Variants in ANKRD11 observed in about 807,000 individuals in gnomAD.
ANKRD11 encodes the protein ankyrin repeat domain 11.
In ANKRD11, 17 loss-of-function variants were observed where a neutral mutation model predicts 195.7. That is an observed-to-expected ratio of 0.09 (90% confidence interval 0.06 to 0.13). ANKRD11 has a LOEUF of 0.13. Among genes scored for constraint, ANKRD11 ranks in the 10% least tolerant of loss-of-function variants. The probability of loss-of-function intolerance (pLI) is 1.00; values close to 1 mark genes in which losing one functional copy is unlikely to be tolerated. For missense variants in ANKRD11, 3,735 were observed against 3,566.1 expected (o/e 1.05, Z -1.21); for synonymous variants, 1,953 against 1,528.1 (o/e 1.28, Z -6.49).
At chr16:89,376,001 CCAG>C (rs1431061619) in intron 2 of ANKRD11, among the ~76,000 whole-genome samples, 1 of 152,156 alleles carries the variant, frequency 6.6e-6, no homozygotes, top group Non-Finnish European at 1.5e-5. Context: ...ATCGATAAAT[CCAG>C]CAGAAGGGCC....
In ANKRD11 at chr16:89,302,177, C is replaced by A. The variant is rs963054903; in HGVS notation, c.226+3029G>T. ...CGGCTCCTCTGGGGGAAGGAGGGGA[C>A]GCGGCGTGTGTGAGAGCCACAGCGC... On this transcript the variant is annotated intron_variant, in intron 4 of 12. Transcript: ENST00000301030. Among the ~76,000 whole-genome samples the A allele has an allele frequency of 5.9e-5, 9 of 152,340 alleles. No individual in the cohort carries two copies. The South Asian group carries it at 8.3e-4, about 14-fold the overall frequency.
chr16:89,401,074 T>A (rs114262501), intron 2 of ANKRD11, among the ~76,000 whole-genome samples: 2,305 of 151,854 alleles, frequency 0.015, 67 homozygotes, highest in African/African-American at 0.053. Flanking sequence ...AGTAATGTTA[T>A]ATATTTCTCT....
In ANKRD11 at chr16:89,279,510, G is replaced by A. The variant is rs533765590; in HGVS notation, c.7032C>T (p.Leu2344=). ...QRMTRNRAQM[L]ANQSKQGPPP... is the part of the protein sequence containing the mutation. ...GCGGGCCCTGCTTGCTCTGGTTCGC[G>A]AGCATCTGCGCCCGGTTCCTGGTCA... Residue 2344 remains leucine (L), a synonymous_variant, in exon 9 of 13, where the codon CTC becomes CTT. Coordinates refer to ENST00000301030, the MANE Select transcript of ANKRD11 (RefSeq NM_013275.6). The surrounding 1 kb of genome is among the most constrained non-coding windows in gnomAD (Gnocchi z 5.6). 4 of 1,364,806 alleles carry A rather than the reference G, an allele frequency of 2.9e-6. No individual in the cohort carries two copies. Among genetic ancestry groups the A allele is most frequent in the African/African-American group, 2.9e-5 (2 of 69,160 alleles). 84.5% of individuals were successfully genotyped at this position (1,364,806 alleles called of 1,614,324 possible).
At chr16:89,383,633 C>G (rs1258610064) in intron 2 of ANKRD11, among the ~76,000 whole-genome samples, 1 of 152,132 alleles carries the variant, frequency 6.6e-6, no homozygotes, top group Non-Finnish European at 1.5e-5. Context: ...TGCCCTCGGA[C>G]CAGCAACGCA....
At chr16:89,338,177 C>T (rs575108008) in intron 2 of ANKRD11, among the ~76,000 whole-genome samples, 13 of 152,286 alleles carry the variant, frequency 8.5e-5, no homozygotes, top group South Asian at 4.1e-4. Context: ...TGTGCTGCCC[C>T]GAGACGCACT....
chr16:89,411,576 G>A (rs531780048), intron 2 of ANKRD11, among the ~76,000 whole-genome samples: 8 of 152,044 alleles, frequency 5.3e-5, no homozygotes, highest in Non-Finnish European at 8.8e-5. Flanking sequence ...ACCACGCCTG[G>A]CTAATTTTTG....
chr16:89,387,204 C>T (rs925872371), intron 2 of ANKRD11, among the ~76,000 whole-genome samples: 1 of 151,496 alleles, frequency 6.6e-6, no homozygotes, highest in Non-Finnish European at 1.5e-5. Flanking sequence ...CAAGGAAACA[C>T]ACAGGAAGAT....
At chr16:89,298,598 C>T (rs1010828128) in intron 4 of ANKRD11, among the ~76,000 whole-genome samples, 9 of 152,232 alleles carry the variant, frequency 5.9e-5, no homozygotes, top group Admixed American at 6.5e-5. Flanking sequence ...TCCTGAGTCC[C>T]GGGGTCCTCC....
rs955262955 is a variant in ANKRD11, at chr16:89,281,359, C to G, written c.5183G>C (p.Ser1728Thr). Reference sequence around the variant, plus strand: ...CACGAGGTCCGCGTAGTCATCGGCGCTGCAGGACGGGGTCCTGGGCGTGTG... The same window carrying G: ...CACGAGGTCCGCGTAGTCATCGGCGGTGCAGGACGGGGTCCTGGGCGTGTG... ...VMHTPRTPSC[S>T]ADDYADLVFD... The change falls in exon 9 of 13, where the codon AGC becomes ACC. Residue 1728 changes from serine to threonine, a missense_variant. Coordinates refer to ENST00000301030, the MANE Select transcript of ANKRD11 (RefSeq NM_013275.6). The surrounding 1 kb of genome is among the most constrained non-coding windows in gnomAD (Gnocchi z 5.5). The G allele has an allele frequency of 6.2e-7, 1 of 1,610,668 alleles. No homozygotes were observed. The highest frequency in any genetic ancestry group is 1.3e-5 in the African/African-American group (1 of 74,840).
chr16:89,371,556 G>A (rs140725619), intron 2 of ANKRD11, among the ~76,000 whole-genome samples: 3 of 152,260 alleles, frequency 2.0e-5, no homozygotes, highest in African/African-American at 4.8e-5. Flanking sequence ...CTCAGATTCC[G>A]CCATGCTGCA....
intron 2 of ANKRD11, among the ~76,000 whole-genome samples, chr16:89,340,789 G>A (rs889235363): frequency 1.8e-4 from 27 of 152,202 alleles, no homozygotes; most frequent in Non-Finnish European, 2.9e-5. Context: ...AGAGAGCTCT[G>A]AAACCCCAGA....
chr16:89,313,315 A>G, intron 3 of ANKRD11: 7 of 1,287,066 alleles, frequency 5.4e-6, no homozygotes, highest in Non-Finnish European at 7.1e-6. Context: ...AGCCCTGCAC[A>G]CCTTTGGATC....
At chr16:89,356,899 G>A (rs147313362) in intron 2 of ANKRD11, among the ~76,000 whole-genome samples, 2 of 152,208 alleles carry the variant, frequency 1.3e-5, no homozygotes, top group Admixed American at 1.3e-4. Flanking sequence ...AGGCCCTGTG[G>A]CTGTAATCTC....
At chr16:89,275,215 G>A in intron 9 of ANKRD11, 24 bp from the exon 10 acceptor site, 1 of 1,575,588 alleles carries the variant, frequency 6.3e-7, no homozygotes, top group Non-Finnish European at 8.6e-7. Flanking sequence ...GTGAGTGTGG[G>A]GGGTCAGCTG....
intron 1 of ANKRD11, among the ~76,000 whole-genome samples, chr16:89,437,610 G>A (rs999255500): frequency 6.6e-6 from 1 of 152,164 alleles, no homozygotes; most frequent in Non-Finnish European, 1.5e-5. Flanking sequence ...CCACTCACCA[G>A]ATGTCCAAGG....
intron 1 of ANKRD11, among the ~76,000 whole-genome samples, chr16:89,448,869 C>A (rs1240041409): frequency 1.3e-5 from 2 of 152,194 alleles, no homozygotes; most frequent in African/African-American, 4.8e-5. Context: ...TCCCCACCCA[C>A]CTCTGGCTCA....
At position 89,333,856 on chromosome 16, in the gene ANKRD11, T is replaced by C. The variant is rs543293295; in HGVS notation, c.-59-16778A>G. Among the ~76,000 whole-genome samples, 7 of 152,250 alleles carry C rather than the reference T, an allele frequency of 4.6e-5. No individual in the cohort carries two copies. In the South Asian group the frequency reaches 1.5e-3, roughly 32 times the overall value. ...CACACCATCACAGAAAGGGACGGTA[T>C]TATTCTGTGAGTATGTTCCCAGTAT... On this transcript the variant is annotated intron_variant, in intron 2 of 12. Coordinates refer to ENST00000301030, the MANE Select transcript of ANKRD11 (RefSeq NM_013275.6).
chr16:89,320,476 CGGGAA>C (rs761157083), intron 2 of ANKRD11: 7 of 152,174 alleles, frequency 4.6e-5, no homozygotes, highest in Non-Finnish European at 8.8e-5. Context: ...GGCACAGCCG[CGGGAA>C]GGTAAACGCA....
Position 89,340,968 on chromosome 16 carries a change from C to T in ANKRD11, c.-59-23890G>A, listed in dbSNP as rs546146484. 2.5e-4 allele frequency among the ~76,000 whole-genome samples: 38 copies of T among 152,224 alleles called. 1 individual carries two copies. In the South Asian group the frequency reaches 3.1e-3, roughly 12 times the overall value. On this transcript the variant is annotated intron_variant, in intron 2 of 12. Transcript: ENST00000301030. ...GAACATCAGCCAATAGAGTCCTGGACGGACATTCTACCTTCCAAAGCAGAC... is the reference window on the plus strand; with the variant it reads ...GAACATCAGCCAATAGAGTCCTGGATGGACATTCTACCTTCCAAAGCAGAC...
Sources: allele counts gnomAD v4.1 joint callset (sites outside exome capture counted in the v4.1 genomes callset), GRCh38; gene constraint gnomAD v4.1.1; non-coding constraint Gnocchi (gnomAD v3.1); transcripts MANE v1.5; gene names NCBI Gene and HGNC (gene_info 2026-07-23, HGNC 2026-07-21).